Variants in CSRNP3 observed in about 807,000 individuals in gnomAD.
CSRNP3 encodes cysteine/serine-rich nuclear protein 3.
Under a neutral mutation model 48.0 loss-of-function variants are expected in CSRNP3, and 12 were observed. The observed-to-expected ratio is 0.25, with a 90% CI of 0.16 to 0.41. The LOEUF is 0.41. Ranked by LOEUF, CSRNP3 falls within the 10% of genes least tolerant of loss-of-function variation. The pLI is 1.00. For missense variants in CSRNP3, 580 were observed against 724.4 expected (o/e 0.80, Z 2.29); for synonymous variants, 263 against 269.7 (o/e 0.98, Z 0.24).
chr2:165,622,042 C>T (rs1244726687), intron 4 of CSRNP3, among the ~76,000 whole-genome samples: 1 of 152,092 alleles, frequency 6.6e-6, no homozygotes, highest in South Asian at 2.1e-4. Flanking sequence ...TATTTTGAAA[C>T]ATCTCCTTTC....
intron 5 of CSRNP3, among the ~76,000 whole-genome samples, chr2:165,664,676 G>A (rs1458276165): frequency 6.6e-6 from 1 of 152,068 alleles, no homozygotes; most frequent in East Asian, 1.9e-4. Context: ...GGCTATTTAT[G>A]TCTCCTTTAT....
At chr2:165,629,657 T>A (rs1573930457) in intron 4 of CSRNP3, among the ~76,000 whole-genome samples, 1 of 152,138 alleles carries the variant, frequency 6.6e-6, no homozygotes, top group African/African-American at 2.4e-5. Flanking sequence ...CCCTCTAGGG[T>A]CATTCATGAA....
chr2:165,553,973 T>C (rs1278964042), intron 3 of CSRNP3, among the ~76,000 whole-genome samples: 1 of 152,222 alleles, frequency 6.6e-6, no homozygotes, highest in African/African-American at 2.4e-5. Context: ...CAAAGAGCTA[T>C]TTATCCTCTG....
At chr2:165,493,834 C>A (rs529208341) in intron 1 of CSRNP3, among the ~76,000 whole-genome samples, 25 of 152,164 alleles carry the variant, frequency 1.6e-4, no homozygotes, top group African/African-American at 5.8e-4. Context: ...TAACTATAGG[C>A]AAAAGAGAAG....
intron 3 of CSRNP3, among the ~76,000 whole-genome samples, chr2:165,534,208 A>C (rs1196204307): frequency 6.6e-6 from 1 of 152,056 alleles, no homozygotes. Flanking sequence ...GAACTGAAAT[A>C]TGTTTGTTTT....
At chr2:165,559,465 A>G (rs1282611210) in intron 3 of CSRNP3, among the ~76,000 whole-genome samples, 1 of 152,202 alleles carries the variant, frequency 6.6e-6, no homozygotes, top group East Asian at 1.9e-4. Flanking sequence ...TAAAACTTTA[A>G]ATACACTAGA....
Position 165,680,654 on chromosome 2 carries a change from G to A in CSRNP3, c.*901G>A, listed in dbSNP as rs952907920. ...TTAGTGCCCCTTCACGGTACCTCGT[G>A]TGGGGTGGGGACTGAGAACTCTTTG... is the stretch of plus-strand genomic sequence containing the variant. On this transcript the variant is annotated 3_prime_UTR_variant, in exon 7 of 7. Coordinates refer to ENST00000651982, the MANE Select transcript of CSRNP3 (RefSeq NM_001172173.2). 1 of 152,326 alleles carries A rather than the reference G, an allele frequency of 6.6e-6. No homozygotes were observed. Among genetic ancestry groups the A allele is most frequent in the African/African-American group, 2.4e-5 (1 of 41,304 alleles). 9.4% of individuals were successfully genotyped at this position (152,326 alleles called of 1,614,324 possible).
At chr2:165,588,604 G>A (rs1685668444) in intron 3 of CSRNP3, among the ~76,000 whole-genome samples, 1 of 152,136 alleles carries the variant, frequency 6.6e-6, no homozygotes, top group Admixed American at 6.5e-5. Context: ...TTCATATTTA[G>A]AATAGATTAA....
chr2:165,485,051 T>C (rs1684094358), intron 1 of CSRNP3, among the ~76,000 whole-genome samples: 1 of 152,216 alleles, frequency 6.6e-6, no homozygotes, highest in Admixed American at 6.5e-5. Flanking sequence ...CAAAATATCA[T>C]AGATTGGGAG....
Position 165,679,588 on chromosome 2 carries a change from T to G in CSRNP3, c.1593T>G (p.Phe531Leu). Residue 531 changes from phenylalanine (F) to leucine (L), a missense_variant, in exon 7 of 7, where the codon TTT becomes TTG. By Grantham distance (22) the Phe-to-Leu change is conservative. Transcript: ENST00000651982. ...EHRSNHPQVE[F>L]HSYLKGPSQE... ...GGTCCAATCACCCTCAAGTGGAATT[T>G]CACTCATACTTGAAAGGCCCCTCCC... The G allele has an allele frequency of 6.2e-7, 1 of 1,614,082 alleles. No individual in the cohort carries two copies. Among genetic ancestry groups the G allele is most frequent in the Non-Finnish European group, 8.5e-7 (1 of 1,179,986 alleles).
intron 3 of CSRNP3, among the ~76,000 whole-genome samples, chr2:165,535,499 T>C (rs1479411775): frequency 6.6e-6 from 1 of 151,792 alleles, no homozygotes; most frequent in African/African-American, 2.4e-5. Flanking sequence ...TTGTAGACCA[T>C]TTAGTCTACA....
chr2:165,664,792 T>C (rs2105351549), intron 5 of CSRNP3, among the ~76,000 whole-genome samples: 1 of 152,012 alleles, frequency 6.6e-6, no homozygotes, highest in South Asian at 2.1e-4. Flanking sequence ...ATAGTGGCTT[T>C]TGGACTGTGA....
At chr2:165,645,910 T>G (rs1358576689) in intron 4 of CSRNP3, among the ~76,000 whole-genome samples, 4 of 152,034 alleles carry the variant, frequency 2.6e-5, no homozygotes, top group African/African-American at 9.7e-5. Context: ...TTTTTTTTGT[T>G]TTGTTTTGTT....
intron 2 of CSRNP3, among the ~76,000 whole-genome samples, chr2:165,496,961 C>A (rs1015898486): frequency 4.6e-5 from 7 of 152,002 alleles, no homozygotes; most frequent in Non-Finnish European, 8.8e-5. Flanking sequence ...TAAACACCAT[C>A]AAGCCTTACA....
chr2:165,520,229 G>GT (rs890326672), intron 3 of CSRNP3, among the ~76,000 whole-genome samples: 3 of 152,058 alleles, frequency 2.0e-5, no homozygotes, highest in African/African-American at 4.8e-5. Flanking sequence ...AGTGATCAGG[G>GT]TTTTTTTATG....
intron 4 of CSRNP3, among the ~76,000 whole-genome samples, chr2:165,602,869 A>G (rs1186620243): frequency 6.6e-6 from 1 of 152,000 alleles, no homozygotes; most frequent in Admixed American, 6.6e-5. Context: ...ATCTCCTCAG[A>G]ATCTCCTGAT....
At position 165,679,406 on chromosome 2, in the gene CSRNP3, A is replaced by G; in HGVS notation, c.1411A>G (p.Thr471Ala). ...TGGTACCCTTTCGCTGGTGCCTTAC[A>G]CCATGACCCCGGAGCAATTCGTTGA... ...KNGTLSLVPY[T>A]MTPEQFVDYA... The change falls in exon 7 of 7, where the codon ACC becomes GCC. Residue 471 changes from threonine to alanine, a missense_variant. Thr to Ala is a moderately conservative substitution (Grantham distance 58). Transcript: ENST00000651982. The G allele has an allele frequency of 6.2e-7, 1 of 1,613,092 alleles. No homozygotes were observed. The highest frequency in any genetic ancestry group is 8.5e-7 in the Non-Finnish European group (1 of 1,179,564).
At chr2:165,495,851 C>A (rs1321605021) in intron 2 of CSRNP3, among the ~76,000 whole-genome samples, 2 of 151,936 alleles carry the variant, frequency 1.3e-5, no homozygotes, top group Admixed American at 6.6e-5. Context: ...TTTTTTCTAG[C>A]ATTATTTTTC....
intron 4 of CSRNP3, among the ~76,000 whole-genome samples, chr2:165,597,307 G>T (rs1350511780): frequency 6.6e-6 from 1 of 151,902 alleles, no homozygotes; most frequent in East Asian, 1.9e-4. Flanking sequence ...GCCCTACCTA[G>T]GAATGCATAG....
Sources: allele counts gnomAD v4.1 joint callset (sites outside exome capture counted in the v4.1 genomes callset), GRCh38; gene constraint gnomAD v4.1.1; transcripts MANE v1.5; gene names NCBI Gene and HGNC (gene_info 2026-07-23, HGNC 2026-07-21).